ADAMTSL1: variants seen among roughly 807,000 people sequenced by gnomAD.
ADAMTSL1 encodes ADAMTS like 1.
Under a neutral mutation model 201.8 loss-of-function variants are expected in ADAMTSL1, and 126 were observed. The ratio of observed to expected loss-of-function variants is 0.62; its 90% CI spans 0.54 to 0.72. The LOEUF is 0.72. Among genes scored for constraint, ADAMTSL1 ranks in the 30% least tolerant of loss-of-function variants. The pLI is 0.00. For synonymous variants in ADAMTSL1, 1,121 were observed against 903.4 expected (o/e 1.24, Z -4.32); for missense variants, 2,679 against 2,277.8 (o/e 1.18, Z -3.59).
intron 1 of ADAMTSL1, among the ~76,000 whole-genome samples, chr9:18,162,435 T>C (rs536862030): frequency 1.1e-4 from 16 of 151,994 alleles, no homozygotes; most frequent in Non-Finnish European, 2.2e-4. Context: ...GTAAAGCAAG[T>C]GTGTGTGACA....
intron 3 of ADAMTSL1, among the ~76,000 whole-genome samples, chr9:18,536,495 G>A (rs1819783858): frequency 7.2e-6 from 1 of 138,568 alleles, no homozygotes; most frequent in Non-Finnish European, 1.6e-5. Flanking sequence ...AAAATTTATT[G>A]CCAACCACTC....
intron 14 of ADAMTSL1, among the ~76,000 whole-genome samples, chr9:18,715,325 A>G (rs1832858140): frequency 6.6e-6 from 1 of 152,072 alleles, no homozygotes; most frequent in Non-Finnish European, 1.5e-5. Flanking sequence ...ACATGATTGT[A>G]TATCTAGAAA....
At chr9:18,399,286 T>TATATAC (rs1817874149) in intron 2 of ADAMTSL1, among the ~76,000 whole-genome samples, 2 of 62,572 alleles carry the variant, frequency 3.2e-5, no homozygotes, top group Non-Finnish European at 6.1e-5. Context: ...TTTACATATA[T>TATATAC]ATATATATAT....
chr9:18,532,056 A>T (rs955184808), intron 2 of ADAMTSL1, among the ~76,000 whole-genome samples: 1 of 152,226 alleles, frequency 6.6e-6, no homozygotes, highest in Non-Finnish European at 1.5e-5. Flanking sequence ...TGGAATTCTA[A>T]AACTACTAGG....
intron 20 of ADAMTSL1, among the ~76,000 whole-genome samples, chr9:18,798,907 C>T (rs1194709426): frequency 1.3e-5 from 2 of 152,204 alleles, no homozygotes; most frequent in Non-Finnish European, 1.5e-5. Flanking sequence ...ACCTTCCTTG[C>T]TCTGCCCTGT....
chr9:18,137,575 A>G (rs1826213798), intron 1 of ADAMTSL1, among the ~76,000 whole-genome samples: 1 of 152,196 alleles, frequency 6.6e-6, no homozygotes, highest in African/African-American at 2.4e-5. Context: ...TTTTTAAGAA[A>G]ACACTTTATG....
chr9:18,749,080 C>A (rs1227956468), intron 15 of ADAMTSL1, among the ~76,000 whole-genome samples: 1 of 152,164 alleles, frequency 6.6e-6, no homozygotes, highest in Non-Finnish European at 1.5e-5. Flanking sequence ...CGCATTGAAT[C>A]AAGGGCTCAC....
upstream of ADAMTSL1, among the ~76,000 whole-genome samples, chr9:18,470,145 C>T (rs1821150998): frequency 6.6e-6 from 1 of 152,162 alleles, no homozygotes; most frequent in South Asian, 2.1e-4. Flanking sequence ...TTCCTGCCTG[C>T]TAATAACTTT....
intron 4 of ADAMTSL1, among the ~76,000 whole-genome samples, chr9:18,618,136 C>A (rs1482193278): frequency 6.6e-6 from 1 of 152,156 alleles, no homozygotes; most frequent in Non-Finnish European, 1.5e-5. Context: ...CCCTTTACAG[C>A]AATTCTTGTT....
At chr9:18,121,524 A>G (rs1252931686) in intron 1 of ADAMTSL1, among the ~76,000 whole-genome samples, 1 of 152,234 alleles carries the variant, frequency 6.6e-6, no homozygotes, top group Non-Finnish European at 1.5e-5. Flanking sequence ...TGCAAAAGTA[A>G]TGCAAACTCA....
intron 1 of ADAMTSL1, among the ~76,000 whole-genome samples, chr9:18,010,150 T>C (rs1041886190): frequency 6.6e-6 from 1 of 152,014 alleles, no homozygotes; most frequent in Non-Finnish European, 1.5e-5. Context: ...TTTCACAATT[T>C]GCCAAGTTTT....
chr9:17,986,058 G>C (rs1026664153), intron 1 of ADAMTSL1, among the ~76,000 whole-genome samples: 3 of 152,122 alleles, frequency 2.0e-5, no homozygotes, highest in Non-Finnish European at 4.4e-5. Context: ...AATGAATTGA[G>C]GTTTATGTGG....
Position 18,636,002 on chromosome 9 carries a change from G to A in ADAMTSL1, c.661G>A (p.Gly221Ser). The A allele has an allele frequency of 1.3e-6, 2 of 1,597,910 alleles. No homozygotes were observed. Among genetic ancestry groups the A allele is most frequent in the Non-Finnish European group, 1.7e-6 (2 of 1,176,216 alleles). Residue 221 changes from glycine (G) to serine (S), a missense_variant, in exon 6 of 29, where the codon GGT becomes AGT. Gly to Ser is a moderately conservative substitution (Grantham distance 56). Coordinates refer to ENST00000380548, the MANE Select transcript of ADAMTSL1 (RefSeq NM_001040272.6). ...TAGACATATTCGCCTTGTCTTAAAAGGTCCTGATCACTTATGTAAGTAACT... is the reference window on the plus strand; with the variant it reads ...TAGACATATTCGCCTTGTCTTAAAAAGTCCTGATCACTTATGTAAGTAACT... ...GSRHIRLVLK[G>S]PDHLYLETKT...
intron 2 of ADAMTSL1, among the ~76,000 whole-genome samples, chr9:18,297,249 T>C (rs1833511163): frequency 6.6e-6 from 1 of 152,194 alleles, no homozygotes; most frequent in African/African-American, 2.4e-5. Context: ...TTAAAGTGTA[T>C]AGATAGTGAC....
intron 16 of ADAMTSL1, among the ~76,000 whole-genome samples, chr9:18,769,978 T>C (rs1406637467): frequency 6.6e-6 from 1 of 152,144 alleles, no homozygotes; most frequent in Non-Finnish European, 1.5e-5. Context: ...TTTATTGGGG[T>C]TCCTCTGAAA....
intron 1 of ADAMTSL1, among the ~76,000 whole-genome samples, chr9:18,056,268 G>C (rs1237408941): frequency 1.3e-5 from 2 of 151,954 alleles, no homozygotes; most frequent in East Asian, 3.9e-4. Context: ...GGTATGAAAT[G>C]TTAATGTGGA....
At chr9:18,908,124 G>A (rs1305250302) in intron 28 of ADAMTSL1, 3 of 375,412 alleles carry the variant, frequency 8.0e-6, no homozygotes, top group African/African-American at 4.2e-5. Context: ...TAGGAGATGA[G>A]GTAATCCCAA....
intron 2 of ADAMTSL1, among the ~76,000 whole-genome samples, chr9:18,295,335 C>G (rs1016376754): frequency 2.1e-4 from 31 of 150,848 alleles, no homozygotes; most frequent in Admixed American, 2.0e-3. Flanking sequence ...TTGACTGCAA[C>G]CGTTATTCAT....
rs1190512004 is a variant in ADAMTSL1 at position 18,693,781 on chromosome 9, G to C, written c.1574+8981G>C. Among the ~76,000 whole-genome samples, 7 of 152,292 alleles carry C rather than the reference G, an allele frequency of 4.6e-5. No individual in the cohort carries two copies. The East Asian group carries it at 7.7e-4, about 17-fold the overall frequency. On this transcript the variant is annotated intron_variant, in intron 13 of 28. Transcript: ENST00000380548. ...GTGAGGGGGACAATTATTACATAAA[G>C]ATTTGCATTGTGATTATCAAAGACT...
Sources: gnomAD v4.1 joint callset for allele counts (sites outside exome capture counted in the v4.1 genomes callset) on GRCh38, gnomAD v4.1.1 for gene constraint, MANE v1.5 for transcripts, NCBI Gene and HGNC (gene_info 2026-07-23, HGNC 2026-07-21) for gene names.